AK8: variants seen among roughly 807,000 people sequenced by gnomAD.
The protein encoded by AK8 is adenylate kinase 8.
Under a neutral mutation model 54.6 loss-of-function variants are expected in AK8, and 44 were observed. That is an observed-to-expected ratio of 0.81 (90% CI 0.63 to 1.04). The LOEUF (loss-of-function observed/expected upper bound fraction) is 1.04, where lower values mean the gene tolerates loss of function less well. Among genes scored for constraint, AK8 ranks in the 50% least tolerant of loss-of-function variants. The probability of loss-of-function intolerance (pLI) is 0.00; values close to 1 mark genes in which losing one functional copy is unlikely to be tolerated. For missense variants in AK8, 555 were observed against 613.6 expected (o/e 0.90, Z 1.01); for synonymous variants, 239 against 245.6 (o/e 0.97, Z 0.25).
intron 5 of AK8, among the ~76,000 whole-genome samples, chr9:132,828,941 A>C (rs565828526): frequency 1.2e-4 from 18 of 151,782 alleles, no homozygotes; most frequent in Non-Finnish European, 2.5e-4. Context: ...ATCATAACAT[A>C]TATATTTTAC....
At position 132,771,320 on chromosome 9, in the gene AK8, T is replaced by A. The variant is rs187234850; in HGVS notation, c.1121+21314A>T. 6.5e-4 allele frequency among the ~76,000 whole-genome samples: 99 copies of A among 152,262 alleles called. 1 individual carries two copies. Among genetic ancestry groups the A allele is most frequent in the Non-Finnish European group, 5.9e-5 (4 of 68,010 alleles). On this transcript the variant is annotated intron_variant, in intron 11 of 12. Transcript: ENST00000298545. ...CTATGGAGGAAAGTGCTATGGCAGA[T>A]GGTGGTCAGGCTTACACTGTGAGAA...
At chr9:132,840,726 CT>C (rs1230841284) in intron 5 of AK8, among the ~76,000 whole-genome samples, 2 of 152,102 alleles carry the variant, frequency 1.3e-5, no homozygotes, top group Non-Finnish European at 2.9e-5. Context: ...AATCCTGTCT[CT>C]ACTAAAAATA....
intron 11 of AK8, among the ~76,000 whole-genome samples, chr9:132,750,691 G>A (rs529244214): frequency 3.3e-5 from 5 of 152,066 alleles, no homozygotes; most frequent in East Asian, 3.9e-4. Flanking sequence ...CCACCAGGGC[G>A]CGAGCTCCCC....
chr9:132,839,047 G>T lies in AK8; in HGVS notation c.403-10321C>A, dbSNP rs531755260. Among the ~76,000 whole-genome samples, 6 of 152,084 alleles carry T rather than the reference G, an allele frequency of 3.9e-5. 1 individual carries two copies. In the South Asian group the frequency reaches 1.2e-3, roughly 32 times the overall value. On this transcript the variant is annotated intron_variant, in intron 5 of 12. Coordinates refer to ENST00000298545, the MANE Select transcript of AK8 (RefSeq NM_152572.3). ...GCAACTCTGCCTCCTGGGTTCAAGCGATTCTCCTGCCTCAGCCTCCTAAGT... is the reference window on the plus strand; with the variant it reads ...GCAACTCTGCCTCCTGGGTTCAAGCTATTCTCCTGCCTCAGCCTCCTAAGT...
At chr9:132,852,769 CAAAAAAAAAAAA>C (rs35786801) in intron 5 of AK8, among the ~76,000 whole-genome samples, 6 of 16,424 alleles carry the variant, frequency 3.7e-4, no homozygotes, top group African/African-American at 1.2e-3. Flanking sequence ...GATTAGGTCT[CAAAAAAAAAAAA>C]AAAAAAAAAA....
upstream of AK8, chr9:132,878,620 C>T (rs1844270290): frequency 1.9e-6 from 2 of 1,064,132 alleles, no homozygotes; most frequent in Middle Eastern, 4.2e-4. The surrounding 1 kb of genome is among the most constrained non-coding windows in gnomAD (Gnocchi z 4.7). Flanking sequence ...CAGTGCTCCC[C>T]GGCCCGGCTC....
intron 7 of AK8, chr9:132,827,544 G>T (rs544022180): frequency 1.0e-5 from 2 of 191,456 alleles, no homozygotes; most frequent in East Asian, 1.5e-4. Context: ...CCACCCTCCC[G>T]CCAGCCCCTT....
chr9:132,756,253 C>T (rs1375299884), intron 11 of AK8, among the ~76,000 whole-genome samples: 2 of 152,134 alleles, frequency 1.3e-5, no homozygotes, highest in African/African-American at 2.4e-5. Flanking sequence ...AAAGAATTCT[C>T]CTCCCAAAAA....
rs1840542365 is a variant in AK8 at position 132,803,084 on chromosome 9, A to G, written c.980-10309T>C. On this transcript the variant is annotated intron_variant, in intron 10 of 12. Transcript: ENST00000298545. This position sits in a 1 kb window ranked among gnomAD's most constrained non-coding sequence, Gnocchi z 4.4. ...ATAGCGGCAGCCAGGAGAGGTGCAG[A>G]GCGAAGGGGCAGAGCGGGGGAAAGC... is the stretch of plus-strand genomic sequence containing the variant. Among the ~76,000 whole-genome samples the G allele has an allele frequency of 6.6e-6, 1 of 152,186 alleles. No homozygotes were observed. Among genetic ancestry groups the G allele is most frequent in the East Asian group, 1.9e-4 (1 of 5,190 alleles).
intron 5 of AK8, among the ~76,000 whole-genome samples, chr9:132,843,717 G>A (rs2131351724): frequency 6.6e-6 from 1 of 152,226 alleles, no homozygotes; most frequent in South Asian, 2.1e-4. Context: ...GTTTCTCTAT[G>A]TTTAAAGTCA....
At chr9:132,819,191 A>G (rs531897702) in intron 9 of AK8, among the ~76,000 whole-genome samples, 1 of 152,330 alleles carries the variant, frequency 6.6e-6, no homozygotes, top group Admixed American at 6.5e-5. Flanking sequence ...TTACGTCTGC[A>G]CTGAACATGT....
At chr9:132,842,595 T>C (rs1436006579) in intron 5 of AK8, among the ~76,000 whole-genome samples, 2 of 152,222 alleles carry the variant, frequency 1.3e-5, no homozygotes, top group African/African-American at 4.8e-5. Flanking sequence ...TTAAGAGCAC[T>C]GTGTATTCCT....
At chr9:132,833,700 C>G (rs1445316890) in intron 5 of AK8, among the ~76,000 whole-genome samples, 1 of 152,198 alleles carries the variant, frequency 6.6e-6, no homozygotes, top group East Asian at 1.9e-4. Context: ...GAGGGACAAG[C>G]ACTGAGCAGA....
chr9:132,785,506 T>C (rs78625599), intron 11 of AK8, among the ~76,000 whole-genome samples: 3,719 of 152,246 alleles, frequency 0.024, 147 homozygotes, highest in African/African-American at 0.085. Context: ...ATTAGAACTA[T>C]AAACAGATTA....
intron 10 of AK8, among the ~76,000 whole-genome samples, chr9:132,800,964 G>A (rs892955665): frequency 3.6e-5 from 5 of 137,670 alleles, no homozygotes; most frequent in Middle Eastern, 4.1e-3. Context: ...TCGCTCTGTC[G>A]CCCAGGCTGG....
chr9:132,732,552 G>C (rs755561960), intron 11 of AK8, among the ~76,000 whole-genome samples: 2 of 152,116 alleles, frequency 1.3e-5, no homozygotes, highest in East Asian at 3.9e-4. Context: ...GATCCAAGCC[G>C]GGTCTATGAG....
chr9:132,748,073 T>G (rs976081461), intron 11 of AK8, among the ~76,000 whole-genome samples: 16 of 151,626 alleles, frequency 1.1e-4, no homozygotes, highest in African/African-American at 3.9e-4. Flanking sequence ...CACTCCAGCC[T>G]GGGCAACAAG....
At chr9:132,854,765 C>T (rs540764136) in intron 5 of AK8, 92 bp downstream of exon 5, 2 of 1,379,306 alleles carry the variant, frequency 1.5e-6, no homozygotes, top group South Asian at 2.4e-5. Context: ...TTCTCTTATG[C>T]CTCTGGTCAT....
At chr9:132,782,378 T>C (rs137940290) in intron 11 of AK8, among the ~76,000 whole-genome samples, 325 of 152,266 alleles carry the variant, frequency 2.1e-3, no homozygotes, top group African/African-American at 5.6e-3. Flanking sequence ...CATCTTCACA[T>C]AGCTGATGCG....
Sources: allele counts gnomAD v4.1 joint callset (sites outside exome capture counted in the v4.1 genomes callset), GRCh38; gene constraint gnomAD v4.1.1; non-coding constraint Gnocchi (gnomAD v3.1); transcripts MANE v1.5; gene names NCBI Gene and HGNC (gene_info 2026-07-23, HGNC 2026-07-21).